Variants in PRKN observed in about 807,000 individuals in gnomAD.
PRKN encodes parkin RBR E3 ubiquitin protein ligase, also known as E3 ubiquitin-protein ligase parkin.
PRKN carries 56 observed loss-of-function variants against 59.5 expected under a neutral mutation model. That is an observed-to-expected ratio of 0.94 (90% CI 0.76 to 1.18). PRKN has a LOEUF of 1.18. Ranked by LOEUF, PRKN falls within the 50% of genes most tolerant of loss-of-function variation. The probability of loss-of-function intolerance (pLI) is 0.00; values close to 1 mark genes in which losing one functional copy is unlikely to be tolerated. For synonymous variants in PRKN, 250 were observed against 222.1 expected, an observed-to-expected ratio of 1.13 and a Z score of -1.12; for missense variants, 657 against 596.4, an observed-to-expected ratio of 1.10 and a Z score of -1.06.
chr6:161,706,514 T>G (rs145981242), intron 7 of PRKN, among the ~76,000 whole-genome samples: 1 of 152,284 alleles, frequency 6.6e-6, no homozygotes, highest in Non-Finnish European at 1.5e-5. Context: ...AGGATGCAAC[T>G]GGCACGCAGG....
chr6:161,949,852 C>A (rs942401799), intron 6 of PRKN, among the ~76,000 whole-genome samples: 1 of 152,210 alleles, frequency 6.6e-6, no homozygotes, highest in Non-Finnish European at 1.5e-5. Context: ...GAACAGCGGG[C>A]ATGCCCCTGG....
chr6:161,621,185 T>C (rs1329215477), intron 7 of PRKN, among the ~76,000 whole-genome samples: 1 of 151,996 alleles, frequency 6.6e-6, no homozygotes, highest in Non-Finnish European at 1.5e-5. Flanking sequence ...ACAGAAGCAA[T>C]AGGATAGATC....
intron 2 of PRKN, among the ~76,000 whole-genome samples, chr6:162,439,663 C>G (rs901317778): frequency 2.0e-5 from 3 of 146,900 alleles, no homozygotes; most frequent in African/African-American, 7.9e-5. Context: ...ACCCCTGAGA[C>G]AGTGAGACTA....
intron 7 of PRKN, among the ~76,000 whole-genome samples, chr6:161,624,177 A>G (rs901037215): frequency 6.6e-6 from 1 of 152,276 alleles, no homozygotes; most frequent in African/African-American, 2.4e-5. Context: ...AAAAAGAGAC[A>G]GTGCCACATT....
chr6:162,694,329 C>T (rs1777894453), intron 1 of PRKN, among the ~76,000 whole-genome samples: 1 of 150,160 alleles, frequency 6.7e-6, no homozygotes, highest in Non-Finnish European at 1.5e-5. Context: ...TATTGCTTCT[C>T]TCATTCTACA....
intron 6 of PRKN, among the ~76,000 whole-genome samples, chr6:161,817,009 C>T (rs9458385): frequency 2.0e-5 from 3 of 151,960 alleles, no homozygotes; most frequent in Non-Finnish European, 4.4e-5. Context: ...CACACACGCA[C>T]ATGCACACGT....
chr6:162,617,977 C>A (rs1782502198), intron 1 of PRKN, among the ~76,000 whole-genome samples: 2 of 152,198 alleles, frequency 1.3e-5, no homozygotes, highest in South Asian at 4.2e-4. Flanking sequence ...TCCCTAGGAA[C>A]CTGAGGTGCA....
intron 5 of PRKN, among the ~76,000 whole-genome samples, chr6:162,022,198 T>C (rs1373056071): frequency 6.6e-6 from 1 of 152,172 alleles, no homozygotes; most frequent in Non-Finnish European, 1.5e-5. Flanking sequence ...CTTTGGGTAG[T>C]TACCTAGCAC....
At chr6:161,622,147 T>C (rs1782927597) in intron 7 of PRKN, among the ~76,000 whole-genome samples, 2 of 152,046 alleles carry the variant, frequency 1.3e-5, no homozygotes, top group South Asian at 4.2e-4. Context: ...CCCCAGGCTG[T>C]TTGCAGATGG....
chr6:161,641,626 C>T (rs1418212894), intron 7 of PRKN, among the ~76,000 whole-genome samples: 2 of 152,192 alleles, frequency 1.3e-5, no homozygotes, highest in Non-Finnish European at 2.9e-5. Flanking sequence ...TTCTCTATTG[C>T]AATTCCCCAG....
In PRKN at chr6:161,986,396, C is replaced by G. The variant is rs139468679; in HGVS notation, c.619-12979G>C. The stretch of plus-strand genomic sequence containing the variant: ...AAGCTAAAAACCCTCTTGAGCTAAT[C>G]CCCAATTTAGGTCTTCCCTCCCCAA... On this transcript the variant is annotated intron_variant, in intron 5 of 11. Transcript: ENST00000366898. Among the ~76,000 whole-genome samples the G allele has an allele frequency of 4.2e-4, 64 of 152,172 alleles. No individual in the cohort carries two copies. In the East Asian group the frequency reaches 9.1e-3, roughly 22 times the overall value.
chr6:161,859,071 T>C (rs1366810102), intron 6 of PRKN, among the ~76,000 whole-genome samples: 3 of 151,260 alleles, frequency 2.0e-5, no homozygotes, highest in Non-Finnish European at 2.9e-5. Context: ...GGTTTCACCA[T>C]GTTGGCCAGG....
intron 1 of PRKN, among the ~76,000 whole-genome samples, chr6:162,684,516 T>A (rs2128233602): frequency 6.6e-6 from 1 of 152,266 alleles, no homozygotes; most frequent in Non-Finnish European, 1.5e-5. Flanking sequence ...CTTTACAATG[T>A]ATCCATTTAG....
intron 1 of PRKN, among the ~76,000 whole-genome samples, chr6:162,626,270 T>C (rs1172342428): frequency 6.6e-6 from 1 of 152,236 alleles, no homozygotes; most frequent in Non-Finnish European, 1.5e-5. Flanking sequence ...CATTTTCTAA[T>C]GCATTTGTGT....
chr6:161,618,756 A>G (rs1489070541), intron 7 of PRKN, among the ~76,000 whole-genome samples: 2 of 152,318 alleles, frequency 1.3e-5, no homozygotes, highest in East Asian at 1.9e-4. Context: ...TACTTTTATT[A>G]TGCAAATGTA....
chr6:161,571,995 GAC>G (rs1263243160), intron 7 of PRKN, among the ~76,000 whole-genome samples: 1 of 152,186 alleles, frequency 6.6e-6, no homozygotes, highest in East Asian at 1.9e-4. Context: ...CAGGCCTTCA[GAC>G]ACAGACTGAA....
At chr6:161,645,887 G>A (rs375668664) in intron 7 of PRKN, among the ~76,000 whole-genome samples, 1 of 152,382 alleles carries the variant, frequency 6.6e-6, no homozygotes, top group South Asian at 2.1e-4. Flanking sequence ...CCATGCCAGC[G>A]CAGGTGGCGG....
intron 4 of PRKN, among the ~76,000 whole-genome samples, chr6:162,158,331 C>T (rs1316055857): frequency 1.3e-5 from 2 of 151,884 alleles, no homozygotes; most frequent in Non-Finnish European, 2.9e-5. Context: ...TGAAAACATG[C>T]TGCCCAGATC....
intron 9 of PRKN, among the ~76,000 whole-genome samples, chr6:161,418,971 A>C (rs946346415): frequency 6.6e-6 from 1 of 152,232 alleles, no homozygotes; most frequent in African/African-American, 2.4e-5. Flanking sequence ...TTGCCTACAC[A>C]GAAACAATCG....
Sources: gnomAD v4.1 joint callset for allele counts (sites outside exome capture counted in the v4.1 genomes callset) on GRCh38, gnomAD v4.1.1 for gene constraint, MANE v1.5 for transcripts, NCBI Gene and HGNC (gene_info 2026-07-23, HGNC 2026-07-21) for gene names.